FRAS1: variants seen among roughly 807,000 people sequenced by gnomAD.
The protein encoded by FRAS1 is extracellular matrix organizing protein FRAS1.
A neutral mutation model predicts 435.2 loss-of-function variants in FRAS1; 290 were observed. The ratio of observed to expected loss-of-function variants is 0.67; its 90% CI spans 0.61 to 0.73. FRAS1 has a LOEUF of 0.73. FRAS1 is among the 30% of genes least tolerant of loss of function. The pLI is 0.00. For synonymous variants in FRAS1, 1,800 were observed against 1,851.0 expected (o/e 0.97, Z 0.71); for missense variants, 4,860 against 5,001.5 (o/e 0.97, Z 0.85).
chr4:78,192,984 A>AT (rs753677692), intron 2 of FRAS1, among the ~76,000 whole-genome samples: 62 of 152,184 alleles, frequency 4.1e-4, no homozygotes, highest in African/African-American at 1.2e-3. Context: ...CTTTGTTCTC[A>AT]TTGGTTTCAA....
intron 29 of FRAS1, among the ~76,000 whole-genome samples, chr4:78,398,538 A>G (rs147914137): frequency 6.6e-6 from 1 of 152,338 alleles, no homozygotes; most frequent in East Asian, 1.9e-4. Context: ...GCCATCTGGG[A>G]ACATGCATTC....
intron 18 of FRAS1, among the ~76,000 whole-genome samples, chr4:78,329,495 G>A (rs542954618): frequency 7.9e-5 from 12 of 152,280 alleles, no homozygotes; most frequent in East Asian, 3.9e-4. Flanking sequence ...CCATTCAAAC[G>A]GCTCATTTTG....
chr4:78,261,864 CTT>C (rs1225830277), intron 6 of FRAS1, among the ~76,000 whole-genome samples: 1 of 152,096 alleles, frequency 6.6e-6, no homozygotes, highest in African/African-American at 2.4e-5. Flanking sequence ...ATGCTTTTCT[CTT>C]GTTAATCTGC....
At chr4:78,504,099 G>A (rs1720760425) in intron 61 of FRAS1, among the ~76,000 whole-genome samples, 1 of 152,174 alleles carries the variant, frequency 6.6e-6, no homozygotes, top group Non-Finnish European at 1.5e-5. Context: ...TGTGATTTCT[G>A]TTCTTTTCCA....
chr4:78,225,967 C>G (rs1560590212), intron 2 of FRAS1, among the ~76,000 whole-genome samples: 1 of 151,852 alleles, frequency 6.6e-6, no homozygotes, highest in African/African-American at 2.4e-5. Context: ...TATATTTTTC[C>G]CCTTCTTTTT....
intron 9 of FRAS1, among the ~76,000 whole-genome samples, chr4:78,274,167 T>G (rs975863082): frequency 2.0e-5 from 3 of 152,230 alleles, no homozygotes; most frequent in African/African-American, 7.2e-5. Flanking sequence ...GATATCCCCT[T>G]TATCATTTTT....
chr4:78,228,904 A>G (rs1724391274), intron 2 of FRAS1, among the ~76,000 whole-genome samples: 2 of 152,316 alleles, frequency 1.3e-5, no homozygotes, highest in Admixed American at 6.5e-5. Context: ...CTTAGTTTGC[A>G]TATTAGGAAA....
intron 58 of FRAS1, among the ~76,000 whole-genome samples, chr4:78,483,074 C>A (rs764045102): frequency 7.2e-5 from 11 of 152,162 alleles, no homozygotes; most frequent in Non-Finnish European, 1.5e-4. Flanking sequence ...CAGACCCTTA[C>A]TTTTGCTTTG....
intron 60 of FRAS1, among the ~76,000 whole-genome samples, chr4:78,497,889 T>C (rs911282673): frequency 6.6e-6 from 1 of 152,182 alleles, no homozygotes; most frequent in Non-Finnish European, 1.5e-5. Context: ...CCCAGGAGAC[T>C]CAAGTTCAGA....
At chr4:78,385,395 G>T (rs1354828125) in intron 28 of FRAS1, among the ~76,000 whole-genome samples, 1 of 151,928 alleles carries the variant, frequency 6.6e-6, no homozygotes, top group African/African-American at 2.4e-5. Context: ...TTATATCTTT[G>T]GTCCAAAAAT....
intron 2 of FRAS1, among the ~76,000 whole-genome samples, chr4:78,133,676 TG>T (rs1479668393): frequency 2.6e-5 from 4 of 152,184 alleles, no homozygotes; most frequent in African/African-American, 9.7e-5. Flanking sequence ...ATGTTTTTAA[TG>T]TGTATTTTCC....
intron 2 of FRAS1, chr4:78,181,291 C>T: frequency 6.2e-7 from 1 of 1,606,004 alleles, no homozygotes; most frequent in South Asian, 1.1e-5. Context: ...CAGTGTCTGC[C>T]ACTGGATGAT....
intron 2 of FRAS1, among the ~76,000 whole-genome samples, chr4:78,109,556 A>G (rs1482152329): frequency 7.4e-6 from 1 of 135,264 alleles, no homozygotes; most frequent in Non-Finnish European, 1.6e-5. Flanking sequence ...ACAACCCTTC[A>G]TGCTAAAAAC....
chr4:78,294,617 G>T (rs1324458747), intron 14 of FRAS1, among the ~76,000 whole-genome samples: 2 of 152,178 alleles, frequency 1.3e-5, no homozygotes, highest in Non-Finnish European at 2.9e-5. Flanking sequence ...GCCTTCATTG[G>T]CTGGGAAGTA....
intron 1 of FRAS1, among the ~76,000 whole-genome samples, chr4:78,060,582 CA>C (rs1009025415): frequency 6.6e-6 from 1 of 152,112 alleles, no homozygotes; most frequent in Non-Finnish European, 1.5e-5. Flanking sequence ...ACTAAGTGCT[CA>C]AAAAATTGGT....
At chr4:78,170,640 CA>C (rs1560561457) in intron 2 of FRAS1, among the ~76,000 whole-genome samples, 2 of 152,142 alleles carry the variant, frequency 1.3e-5, no homozygotes, top group Middle Eastern at 3.4e-3. Context: ...GGGATTTCAC[CA>C]AGGATTAAAC....
chr4:78,434,660 T>A (rs1734344669), intron 38 of FRAS1, among the ~76,000 whole-genome samples: 1 of 151,774 alleles, frequency 6.6e-6, no homozygotes, highest in Non-Finnish European at 1.5e-5. Flanking sequence ...TGACAAAAAG[T>A]ATTAGAAAAA....
intron 14 of FRAS1, among the ~76,000 whole-genome samples, chr4:78,301,572 G>A (rs933940918): frequency 2.0e-5 from 3 of 152,196 alleles, no homozygotes; most frequent in African/African-American, 7.2e-5. Flanking sequence ...TGGGTCCTCA[G>A]AAGGTTGAAT....
At chr4:78,437,287 T>A (rs1264990294) in intron 38 of FRAS1, among the ~76,000 whole-genome samples, 1 of 152,200 alleles carries the variant, frequency 6.6e-6, no homozygotes, top group Non-Finnish European at 1.5e-5. Context: ...TATCAGCAAT[T>A]CAGAAGACAA....
Sources: allele counts gnomAD v4.1 joint callset (sites outside exome capture counted in the v4.1 genomes callset), GRCh38; gene constraint gnomAD v4.1.1; transcripts MANE v1.5; gene names NCBI Gene and HGNC (gene_info 2026-07-23, HGNC 2026-07-21).